SPMIP4: variants seen among roughly 807,000 people sequenced by gnomAD.
SPMIP4 encodes sperm-associated microtubule inner protein 4.
At chr7:25,130,673 T>G in the SPMIP4 span, among the ~76,000 whole-genome samples, 2 of 152,134 alleles carry the variant, frequency 1.3e-5, no homozygotes, top group South Asian at 4.2e-4. Context: ...AATCCTAACC[T>G]TGTGACCTTT....
chr7:25,136,717 C>A, the SPMIP4 span: 5 of 1,614,134 alleles, frequency 3.1e-6, 1 homozygote, highest in South Asian at 5.5e-5. This position sits in a 1 kb window ranked among gnomAD's most constrained non-coding sequence, Gnocchi z 5.7. Flanking sequence ...CTCCAGAGAA[C>A]GTCGGTTCTG....
At chr7:25,180,142 G>C in the SPMIP4 span, 1 of 152,554 alleles carries the variant, frequency 6.6e-6, no homozygotes, top group Admixed American at 6.5e-5. Context: ...GGTGGGGTGG[G>C]GCTGGGGGCG....
the SPMIP4 span, among the ~76,000 whole-genome samples, chr7:25,143,888 T>C: frequency 8.5e-5 from 13 of 152,190 alleles, no homozygotes; most frequent in Non-Finnish European, 1.6e-4. Flanking sequence ...TGAGCTACCA[T>C]GCTCGACCAT....
chr7:25,161,492 C>T, the SPMIP4 span, among the ~76,000 whole-genome samples: 9 of 152,014 alleles, frequency 5.9e-5, no homozygotes, highest in Non-Finnish European at 1.5e-5. Flanking sequence ...CTGCCTTGGC[C>T]TCCCAAAGTG....
the SPMIP4 span, among the ~76,000 whole-genome samples, chr7:25,173,808 G>A: frequency 1.3e-5 from 2 of 152,168 alleles, no homozygotes; most frequent in Non-Finnish European, 2.9e-5. This position sits in a 1 kb window ranked among gnomAD's most constrained non-coding sequence, Gnocchi z 4.4. Flanking sequence ...CCCAGAAGAT[G>A]AGCCGGTAGA....
chr7:25,141,793 A>T, the SPMIP4 span, among the ~76,000 whole-genome samples: 1 of 151,648 alleles, frequency 6.6e-6, no homozygotes, highest in Non-Finnish European at 1.5e-5. Flanking sequence ...GCTGGAGCGC[A>T]GTGGCACGAT....
At chr7:25,179,028 G>A in the SPMIP4 span, 11 of 924,670 alleles carry the variant, frequency 1.2e-5, no homozygotes, top group South Asian at 3.8e-5. Flanking sequence ...GCGACAGAGC[G>A]AGACACCGTC....
the SPMIP4 span, chr7:25,142,484 G>C: frequency 9.2e-6 from 8 of 873,540 alleles, no homozygotes; most frequent in South Asian, 1.3e-4. Context: ...CCTATGAAGA[G>C]AAATTTACCA....
the SPMIP4 span, among the ~76,000 whole-genome samples, chr7:25,164,802 C>CA: frequency 1.3e-5 from 2 of 152,318 alleles, no homozygotes; most frequent in South Asian, 4.1e-4. Flanking sequence ...CCTGAGTCCC[C>CA]AGAGTCCATT....
the SPMIP4 span, among the ~76,000 whole-genome samples, chr7:25,132,845 G>A: frequency 9.2e-4 from 140 of 152,190 alleles, no homozygotes; most frequent in African/African-American, 3.3e-3. This position sits in a 1 kb window ranked among gnomAD's most constrained non-coding sequence, Gnocchi z 5.0. Context: ...TCAAATTTCC[G>A]AAAATTTGAG....
chr7:25,142,430 T>A, the SPMIP4 span: 1 of 979,328 alleles, frequency 1.0e-6, no homozygotes. Context: ...TTTTGTAATA[T>A]AATTAGAACC....
At chr7:25,146,399 G>C in the SPMIP4 span, among the ~76,000 whole-genome samples, 1 of 152,134 alleles carries the variant, frequency 6.6e-6, no homozygotes, top group East Asian at 1.9e-4. Flanking sequence ...AGGTGGGAGG[G>C]GGCACAGGGT....
chr7:25,150,280 G>GT, the SPMIP4 span, among the ~76,000 whole-genome samples: 5 of 152,350 alleles, frequency 3.3e-5, no homozygotes, highest in South Asian at 1.0e-3. Flanking sequence ...ATAAGAACAT[G>GT]TAATGATAGG....
the SPMIP4 span, chr7:25,161,051 G>A: frequency 1.9e-6 from 1 of 531,148 alleles, no homozygotes; most frequent in South Asian, 3.0e-5. Context: ...CTTGGTTTCT[G>A]GCATTGTCTC....
the SPMIP4 span, among the ~76,000 whole-genome samples, chr7:25,126,702 C>G: frequency 0.012 from 1,820 of 152,284 alleles, 32 homozygotes; most frequent in Middle Eastern, 0.051. Flanking sequence ...TCTTTCTACT[C>G]AAGATATGAA....
chr7:25,159,484 G>A, the SPMIP4 span, among the ~76,000 whole-genome samples: 3 of 152,224 alleles, frequency 2.0e-5, no homozygotes, highest in East Asian at 1.9e-4. Flanking sequence ...TCAACAATTC[G>A]TTTCAGCCTA....
At chr7:25,177,408 A>G in the SPMIP4 span, among the ~76,000 whole-genome samples, 95,754 of 151,924 alleles carry the variant, frequency 0.63, 30,994 homozygotes, top group African/African-American at 0.77. Context: ...GCTTGAACCC[A>G]GGAGGCGGAG....
chr7:25,174,201 C>T, the SPMIP4 span, among the ~76,000 whole-genome samples: 212 of 151,474 alleles, frequency 1.4e-3, no homozygotes, highest in African/African-American at 4.7e-3. This position sits in a 1 kb window ranked among gnomAD's most constrained non-coding sequence, Gnocchi z 4.5. Flanking sequence ...CCTCTCTCTC[C>T]GTCTCCCTTT....
the SPMIP4 span, among the ~76,000 whole-genome samples, chr7:25,144,585 A>T: frequency 6.6e-6 from 1 of 152,244 alleles, no homozygotes; most frequent in Non-Finnish European, 1.5e-5. Flanking sequence ...GATTGGGTTT[A>T]AAGCCATTTG....
Sources: gnomAD v4.1 joint callset for allele counts (sites outside exome capture counted in the v4.1 genomes callset) on GRCh38, gnomAD v4.1.1 for gene constraint, Gnocchi (gnomAD v3.1) non-coding constraint, MANE v1.5 for transcripts, NCBI Gene and HGNC (gene_info 2026-07-23, HGNC 2026-07-21) for gene names.